The following COL23A1 variants were observed in gnomAD, a reference collection of about 807,000 sequenced individuals.
The protein encoded by COL23A1 is collagen type XXIII alpha 1 chain, also known as collagen alpha-1(XXIII) chain.
COL23A1 carries 97 observed loss-of-function variants against 99.3 expected under a neutral mutation model. The ratio of observed to expected loss-of-function variants is 0.98; its 90% CI spans 0.83 to 1.16. COL23A1 has a LOEUF of 1.16. COL23A1 is among the 50% of genes most tolerant of loss of function. The probability of loss-of-function intolerance (pLI) is 0.00; values close to 1 mark genes in which losing one functional copy is unlikely to be tolerated. For missense variants in COL23A1, 762 were observed against 757.4 expected (o/e 1.01, Z -0.07); for synonymous variants, 320 against 308.2 (o/e 1.04, Z -0.40).
chr5:178,249,927 CATG>C (rs1764939264), intron 18 of COL23A1, 131 bp downstream of exon 18: 26 of 1,263,080 alleles, frequency 2.1e-5, no homozygotes, highest in Non-Finnish European at 2.9e-5. Context: ...TGCCAAAATC[CATG>C]ATTTTTGATT....
intron 2 of COL23A1, among the ~76,000 whole-genome samples, chr5:178,338,249 C>G (rs1357341973): frequency 6.6e-6 from 1 of 152,222 alleles, no homozygotes; most frequent in East Asian, 1.9e-4. Context: ...CACCTCAGAA[C>G]CAGGCTGGCC....
intron 2 of COL23A1, among the ~76,000 whole-genome samples, chr5:178,374,107 G>C (rs1012563948): frequency 6.6e-6 from 1 of 152,200 alleles, no homozygotes; most frequent in African/African-American, 2.4e-5. Context: ...GCACACGCCA[G>C]CTTCTACCAA....
intron 2 of COL23A1, chr5:178,351,207 G>A (rs1761305452): frequency 6.6e-6 from 1 of 152,340 alleles, no homozygotes; most frequent in Non-Finnish European, 1.5e-5. Context: ...GAGGTGAGCA[G>A]GGGGATTCTG....
chr5:178,498,321 G>C (rs931562811), intron 2 of COL23A1, among the ~76,000 whole-genome samples: 1 of 136,036 alleles, frequency 7.4e-6, no homozygotes, highest in Non-Finnish European at 1.6e-5. Context: ...ACCTTTAAAG[G>C]CATGACTATT....
chr5:178,477,681 C>A (rs1256315726), intron 2 of COL23A1, among the ~76,000 whole-genome samples: 1 of 152,166 alleles, frequency 6.6e-6, no homozygotes, highest in Admixed American at 6.5e-5. Context: ...GAACCCTCTG[C>A]GAGTGAAAAC....
At chr5:178,494,055 G>T (rs1002604943) in intron 2 of COL23A1, among the ~76,000 whole-genome samples, 1 of 152,184 alleles carries the variant, frequency 6.6e-6, no homozygotes, top group Non-Finnish European at 1.5e-5. Flanking sequence ...GTTTGTTTTG[G>T]CATTCAGATC....
intron 2 of COL23A1, chr5:178,351,907 G>C (rs2913809): frequency 0.88 from 134,305 of 152,244 alleles, 59,311 homozygotes; most frequent in East Asian, 1. Context: ...AGCTCTCTGT[G>C]TCTTTGCCAG....
chr5:178,426,063 G>A (rs1025879269), intron 2 of COL23A1, among the ~76,000 whole-genome samples: 8 of 152,160 alleles, frequency 5.3e-5, no homozygotes, highest in East Asian at 1.9e-4. Flanking sequence ...CATTCCTGCC[G>A]CTTCCTTCAG....
At chr5:178,288,396 CCA>C in intron 4 of COL23A1, 46 bp from the exon 5 acceptor site, 1 of 1,553,000 alleles carries the variant, frequency 6.4e-7, no homozygotes, top group Non-Finnish European at 8.9e-7. Context: ...TCGGCAGAAA[CCA>C]TATGGCAACA....
intron 1 of COL23A1, among the ~76,000 whole-genome samples, chr5:178,582,021 G>T (rs1349499050): frequency 6.6e-6 from 1 of 151,874 alleles, no homozygotes; most frequent in Non-Finnish European, 1.5e-5. Context: ...TCAAGACATA[G>T]CTTGGTTATT....
At position 178,310,501 on chromosome 5, in the gene COL23A1, G is replaced by A. The variant is rs1758614249; in HGVS notation, c.362-3582C>T. Among the ~76,000 whole-genome samples the A allele has an allele frequency of 6.6e-6, 1 of 152,236 alleles. No homozygotes were observed. The highest frequency in any genetic ancestry group is 2.1e-4 in the South Asian group (1 of 4,834). ...AGGTGCTAGTGTTCCCTGCACAGAT[G>A]AGAACTCTGGGGCTAAGCCAGGTGA... On this transcript the variant is annotated intron_variant, in intron 2 of 28. Coordinates refer to ENST00000390654, the MANE Select transcript of COL23A1 (RefSeq NM_173465.4). The surrounding 1 kb of genome is among the most constrained non-coding windows in gnomAD (Gnocchi z 4.3).
intron 2 of COL23A1, among the ~76,000 whole-genome samples, chr5:178,346,360 A>G (rs1267442401): frequency 6.6e-6 from 1 of 152,004 alleles, no homozygotes; most frequent in Non-Finnish European, 1.5e-5. Context: ...CAGCCTCCCC[A>G]GTAGCTGGGA....
At chr5:178,241,947 G>T in intron 27 of COL23A1, 95 bp downstream of exon 27, 1 of 903,268 alleles carries the variant, frequency 1.1e-6, no homozygotes. Context: ...GGGCCTCTGG[G>T]ACTTGCAGCT....
chr5:178,537,175 G>A (rs1019985863), intron 2 of COL23A1, among the ~76,000 whole-genome samples: 13 of 152,130 alleles, frequency 8.5e-5, no homozygotes, highest in Admixed American at 2.0e-4. Context: ...ACAGGGAGAG[G>A]AGCACCCCTG....
chr5:178,291,248 G>A (rs557578560), intron 3 of COL23A1, among the ~76,000 whole-genome samples: 4 of 152,320 alleles, frequency 2.6e-5, no homozygotes, highest in South Asian at 2.1e-4. Flanking sequence ...GGCAGTCAGC[G>A]GCCAGCACGA....
At chr5:178,257,863 C>G (rs891814567) in intron 12 of COL23A1, among the ~76,000 whole-genome samples, 11 of 152,210 alleles carry the variant, frequency 7.2e-5, no homozygotes, top group South Asian at 2.1e-4. Flanking sequence ...CAGCTGAGGT[C>G]CCTGCTCAGG....
chr5:178,513,386 C>T (rs1397778412), intron 2 of COL23A1, among the ~76,000 whole-genome samples: 1 of 152,198 alleles, frequency 6.6e-6, no homozygotes, highest in Non-Finnish European at 1.5e-5. Context: ...CAAGACCACA[C>T]AGCTGGAAAG....
intron 2 of COL23A1, among the ~76,000 whole-genome samples, chr5:178,441,804 G>C (rs1159274984): frequency 2.6e-5 from 4 of 152,048 alleles, no homozygotes; most frequent in Non-Finnish European, 5.9e-5. Context: ...TAAACATTCT[G>C]TGCCATTTGC....
chr5:178,410,526 T>C (rs1232244821), intron 2 of COL23A1, among the ~76,000 whole-genome samples: 2 of 152,210 alleles, frequency 1.3e-5, no homozygotes, highest in African/African-American at 2.4e-5. Context: ...AGGATAGATA[T>C]AGACCAATGG....
Sources: allele counts gnomAD v4.1 joint callset (sites outside exome capture counted in the v4.1 genomes callset), GRCh38; gene constraint gnomAD v4.1.1; non-coding constraint Gnocchi (gnomAD v3.1); transcripts MANE v1.5; gene names NCBI Gene and HGNC (gene_info 2026-07-23, HGNC 2026-07-21).